Variants in SASH1 observed in about 807,000 individuals in gnomAD.
SASH1 encodes SAM and SH3 domain containing 1.
Under a neutral mutation model 125.2 loss-of-function variants are expected in SASH1, and 44 were observed. That is an observed-to-expected ratio of 0.35 (90% CI 0.28 to 0.45). The LOEUF is 0.45. Among genes scored for constraint, SASH1 ranks in the 20% least tolerant of loss-of-function variants. The pLI is 1.00. For synonymous variants in SASH1, 639 were observed against 649.1 expected (o/e 0.98, Z 0.24); for missense variants, 1,426 against 1,614.5 (o/e 0.88, Z 2.00).
intron 4 of SASH1, 66 bp downstream of exon 4, chr6:148,440,473 G>A: frequency 7.4e-7 from 1 of 1,345,090 alleles, no homozygotes; most frequent in Non-Finnish European, 1.1e-6. Flanking sequence ...CATGCTGACG[G>A]AAATCAAACA....
the SASH1 span, among the ~76,000 whole-genome samples, chr6:148,209,923 T>A: frequency 6.6e-6 from 1 of 152,208 alleles, no homozygotes; most frequent in Non-Finnish European, 1.5e-5. Flanking sequence ...ATGAAACACA[T>A]ACACACAGTG....
In SASH1 at chr6:148,390,764, G is replaced by A. The variant is rs187233009; in HGVS notation, c.285+502G>A. Among the ~76,000 whole-genome samples the A allele has an allele frequency of 3.3e-5, 5 of 151,382 alleles. No homozygotes were observed. The South Asian group carries it at 8.4e-4, about 25-fold the overall frequency. Reference sequence around the variant, plus strand: ...GATCACGCCACTGCACTCCAGCCTGGGCGACAGAGCAAGACTCCGTCTCAA... The same window carrying A: ...GATCACGCCACTGCACTCCAGCCTGAGCGACAGAGCAAGACTCCGTCTCAA... On this transcript the variant is annotated intron_variant, in intron 2 of 19. Transcript: ENST00000367467.
intron 6 of SASH1, among the ~76,000 whole-genome samples, chr6:148,471,951 C>T (rs1049621157): frequency 5.9e-5 from 9 of 152,174 alleles, no homozygotes; most frequent in African/African-American, 2.2e-4. Context: ...TGGGGTGTTG[C>T]CCCTGGAAAC....
chr6:148,488,678 A>G (rs1778977352), intron 8 of SASH1, among the ~76,000 whole-genome samples: 1 of 152,086 alleles, frequency 6.6e-6, no homozygotes, highest in South Asian at 2.1e-4. Context: ...TACTTTTTTG[A>G]TAATAATTAT....
At chr6:148,359,355 T>C (rs2114698826) in intron 1 of SASH1, among the ~76,000 whole-genome samples, 1 of 147,590 alleles carries the variant, frequency 6.8e-6, no homozygotes, top group East Asian at 2.0e-4. Context: ...AAATTGAAGG[T>C]TTGTGGCAAC....
intron 1 of SASH1, among the ~76,000 whole-genome samples, chr6:148,323,925 G>A (rs894627392): frequency 6.6e-6 from 1 of 151,860 alleles, no homozygotes; most frequent in Non-Finnish European, 1.5e-5. Flanking sequence ...AGGAGATCGA[G>A]ACTATGCTGG....
At chr6:148,484,836 G>A (rs907957365) in intron 7 of SASH1, among the ~76,000 whole-genome samples, 3 of 152,006 alleles carry the variant, frequency 2.0e-5, no homozygotes, top group African/African-American at 4.8e-5. Flanking sequence ...CCAGCTACTC[G>A]GGAGGCTGAG....
rs544696199 is a variant in SASH1 at position 148,291,267 on chromosome 6, G to A, written n.74+18890G>A. Among the ~76,000 whole-genome samples the A allele has an allele frequency of 8.6e-4, 131 of 152,184 alleles. 1 individual carries two copies. Among genetic ancestry groups the A allele is most frequent in the Non-Finnish European group, 9.7e-4 (66 of 68,048 alleles). On this transcript the variant is annotated intron_variant and non_coding_transcript_variant, in intron 1 of 3. Coordinates refer to the SASH1 transcript ENST00000367469. The stretch of plus-strand genomic sequence containing the variant: ...GATAAAGATTTGAGGTGACAGATAC[G>A]CTAATTGCCCTGATTTGATCATTAC...
the SASH1 span, among the ~76,000 whole-genome samples, chr6:148,258,778 C>T: frequency 6.6e-5 from 10 of 152,154 alleles, no homozygotes; most frequent in Admixed American, 6.5e-4. Flanking sequence ...TCATTTTATC[C>T]TCTTTCATTC....
the SASH1 span, among the ~76,000 whole-genome samples, chr6:148,247,404 G>A: frequency 6.6e-6 from 1 of 152,152 alleles, no homozygotes; most frequent in Admixed American, 6.5e-5. Context: ...AGATAGCCTG[G>A]TACCTCCATC....
At chr6:148,293,740 C>T (rs186903102) in intron 1 of SASH1, among the ~76,000 whole-genome samples, 1 of 152,286 alleles carries the variant, frequency 6.6e-6, no homozygotes, top group African/African-American at 2.4e-5. Flanking sequence ...CTAGGAGAAG[C>T]CATTAGCTAG....
chr6:148,356,511 T>C (rs1410574567), intron 1 of SASH1, among the ~76,000 whole-genome samples: 1 of 114,212 alleles, frequency 8.8e-6, no homozygotes, highest in African/African-American at 3.5e-5. Flanking sequence ...TTTTTTTTTT[T>C]TTTGAGACTG....
chr6:148,524,986 T>A, intron 10 of SASH1: 1 of 340,770 alleles, frequency 2.9e-6, no homozygotes, highest in East Asian at 7.3e-5. Flanking sequence ...AGCACTGGAC[T>A]CATGGAGGGT....
chr6:148,288,147 G>A (rs148226958), intron 1 of SASH1, among the ~76,000 whole-genome samples: 159 of 146,396 alleles, frequency 1.1e-3, no homozygotes, highest in African/African-American at 3.4e-3. Context: ...CTGAAAACCC[G>A]CGGGCCCCAG....
chr6:148,466,793 C>T (rs971499227), intron 4 of SASH1, among the ~76,000 whole-genome samples: 1 of 151,964 alleles, frequency 6.6e-6, no homozygotes, highest in African/African-American at 2.4e-5. Context: ...CCAGGCTGCT[C>T]TCCTCCTGCC....
At chr6:148,248,636 T>C in the SASH1 span, among the ~76,000 whole-genome samples, 2 of 152,338 alleles carry the variant, frequency 1.3e-5, no homozygotes, top group Non-Finnish European at 2.9e-5. Flanking sequence ...ATGTTGTTCT[T>C]TGGAACATTT....
In SASH1 at chr6:148,387,637, T is replaced by C. The variant is rs373478889; in HGVS notation, c.157-2497T>C. Among the ~76,000 whole-genome samples, 37 of 84,766 alleles carry C rather than the reference T, an allele frequency of 4.4e-4. 3 individuals are homozygous for C. The highest frequency in any genetic ancestry group is 6.9e-4 in the African/African-American group (14 of 20,216). 55.6% of individuals were successfully genotyped at this position (84,766 alleles called of 152,430 possible). ...CTTTCTTTCTTTCTTTCTTTCTTTC[T>C]TTCTTTCTTTCTTTCTTTCTTTCTT... On this transcript the variant is annotated intron_variant, in intron 1 of 19. Transcript: ENST00000367467.
chr6:148,543,847 C>G lies in SASH1; in HGVS notation c.2377C>G (p.Pro793Ala). 6.2e-7 allele frequency: 1 copy of G among 1,614,120 alleles called. No homozygotes were observed. The highest frequency in any genetic ancestry group is 8.5e-7 in the Non-Finnish European group (1 of 1,180,008). ...GGGCAGGCTGGGTGGTGGCCTTGCC[C>G]CAGACACGTCCAAGAGCTGTGACCC... ...EEGRLGGGLA[P>A]DTSKSCDPPG... Residue 793 changes from proline to alanine, a missense_variant, in exon 18 of 20, where the codon CCA becomes GCA. By Grantham distance (27) the Pro-to-Ala change is conservative (BLOSUM62 -1). Transcript: ENST00000367467.
chr6:148,269,335 G>C (rs1020743375), upstream of SASH1, among the ~76,000 whole-genome samples: 19 of 151,894 alleles, frequency 1.3e-4, no homozygotes, highest in African/African-American at 2.9e-4. Flanking sequence ...TTGCTGTCCA[G>C]GTTGGAGTGC....
Sources: allele counts gnomAD v4.1 joint callset (sites outside exome capture counted in the v4.1 genomes callset), GRCh38; gene constraint gnomAD v4.1.1; transcripts MANE v1.5; gene names NCBI Gene and HGNC (gene_info 2026-07-23, HGNC 2026-07-21).